The following ARID2 variants were observed in gnomAD, a reference collection of about 807,000 sequenced individuals.
ARID2 encodes AT-rich interactive domain-containing protein 2.
Under a neutral mutation model 184.6 loss-of-function variants are expected in ARID2, and 32 were observed. That is an observed-to-expected ratio of 0.17 (90% CI 0.13 to 0.23). The LOEUF (loss-of-function observed/expected upper bound fraction) is 0.23. ARID2 is among the 10% of genes least tolerant of loss of function. The pLI is 1.00. For missense variants in ARID2, 1,696 were observed against 2,197.6 expected (o/e 0.77, Z 4.56); for synonymous variants, 836 against 772.6 (o/e 1.08, Z -1.36).
At chr12:45,821,973 A>C (rs768213614) in intron 6 of ARID2, among the ~76,000 whole-genome samples, 38 of 152,206 alleles carry the variant, frequency 2.5e-4, no homozygotes, top group Non-Finnish European at 1.6e-4. Flanking sequence ...AAAAGACTTG[A>C]ACAAATTGTT....
rs2138166964 is a variant in ARID2, at chr12:45,851,004, C to G, written c.2881C>G (p.Gln961Glu). The change falls in exon 15 of 21, where the codon CAG becomes GAG. Residue 961 changes from glutamine (Q) to glutamate (E), a missense_variant. By Grantham distance (29) the Gln-to-Glu change is conservative. Around this residue, in one of 11 missense-constraint regions of ARID2, gnomAD observed 713 missense variants for 824.4 expected, o/e 0.86. Transcript: ENST00000334344. The part of the protein sequence containing the change: ...PAALPAGQTV[Q>E]LTGQPNITPS... ...AGCTCTTCCAGCTGGTCAGACAGTT[C>G]AGCTAACTGGACAACCTAACATAAC... The G allele has an allele frequency of 1.2e-6, 2 of 1,614,148 alleles. No homozygotes were observed. Among genetic ancestry groups the G allele is most frequent in the South Asian group, 1.1e-5 (1 of 91,080 alleles).
In ARID2 at chr12:45,808,755, GTGTGTA is replaced by G. The variant is rs1196606410; in HGVS notation, c.285-2657_285-2652del. Among the ~76,000 whole-genome samples the G allele has an allele frequency of 7.3e-5, 11 of 151,248 alleles. No homozygotes were observed. In the South Asian group the frequency reaches 1.7e-3, roughly 23 times the overall value. The stretch of plus-strand genomic sequence containing the variant: ...TGCGTGCGTGTGTGTGTGTGTGTGT[GTGTGTA>G]TGTGTGTGTGTGTGTGTTGAGACGA... On this transcript the variant is annotated intron_variant, in intron 3 of 20. Coordinates refer to ENST00000334344, the MANE Select transcript of ARID2 (RefSeq NM_152641.4).
intron 10 of ARID2, among the ~76,000 whole-genome samples, 161 bp from the exon 11 acceptor site, chr12:45,839,168 A>G (rs573317770): frequency 1.5e-4 from 23 of 151,980 alleles, no homozygotes; most frequent in African/African-American, 5.5e-4. Context: ...CCAGCCTAAA[A>G]ATCTTTTTTT....
intron 13 of ARID2, among the ~76,000 whole-genome samples, chr12:45,849,377 C>T (rs1943499065): frequency 6.6e-6 from 1 of 152,108 alleles, no homozygotes; most frequent in African/African-American, 2.4e-5. Context: ...AACCCAGCGA[C>T]ATTGTTAATA....
chr12:45,870,272 G>A (rs1224239772), intron 16 of ARID2, among the ~76,000 whole-genome samples: 2 of 152,176 alleles, frequency 1.3e-5, no homozygotes, highest in African/African-American at 4.8e-5. Context: ...ACAGGCGTGA[G>A]CCACTGTGTC....
chr12:45,888,508 G>C (rs1394972289), intron 16 of ARID2, among the ~76,000 whole-genome samples: 1 of 152,210 alleles, frequency 6.6e-6, no homozygotes, highest in East Asian at 1.9e-4. Flanking sequence ...TTTTGGAATA[G>C]TTGTGGAGAA....
chr12:45,767,996 A>G (rs984535444), intron 3 of ARID2, among the ~76,000 whole-genome samples: 6 of 152,240 alleles, frequency 3.9e-5, no homozygotes, highest in Non-Finnish European at 5.9e-5. Flanking sequence ...AAGAACATAT[A>G]GCAAATGAAA....
rs1201469368 is a variant in ARID2, at chr12:45,905,945, TTTTTTTC to T, written c.*874_*880del. 13 of 228,402 alleles carry T rather than the reference TTTTTTTC, an allele frequency of 5.7e-5. No individual in the cohort carries two copies. The highest frequency in any genetic ancestry group is 2.8e-4 in the African/African-American group (12 of 43,392). 14.1% of individuals were successfully genotyped at this position (228,402 alleles called of 1,614,324 possible). ...GTGATTTTTTTTTCTTTTTTCTTTT[TTTTTTTC>T]TTTTTTTTTTTGTATTATACACCTT... is the stretch of plus-strand genomic sequence containing the variant. On this transcript the variant is annotated 3_prime_UTR_variant, in exon 21 of 21. Coordinates refer to ENST00000334344, the MANE Select transcript of ARID2 (RefSeq NM_152641.4).
intron 8 of ARID2, 61 bp from the exon 9 acceptor site, chr12:45,837,260 A>T (rs2138129778): frequency 7.3e-7 from 1 of 1,361,130 alleles, no homozygotes; most frequent in African/African-American, 1.5e-5. Flanking sequence ...TTTTTATTAA[A>T]TTTGAAGTAT....
chr12:45,827,440 T>C (rs1943024102), intron 6 of ARID2, among the ~76,000 whole-genome samples: 2 of 152,148 alleles, frequency 1.3e-5, no homozygotes, highest in South Asian at 2.1e-4. Flanking sequence ...TTAAAAAATA[T>C]TTACTATTTT....
intron 3 of ARID2, among the ~76,000 whole-genome samples, chr12:45,754,409 G>A (rs530087782): frequency 6.6e-6 from 1 of 152,152 alleles, no homozygotes; most frequent in African/African-American, 2.4e-5. Context: ...CTTGGTTAAT[G>A]AACAGTCAGT....
chr12:45,740,885 G>T (rs61925773), intron 3 of ARID2, among the ~76,000 whole-genome samples: 3 of 152,108 alleles, frequency 2.0e-5, no homozygotes, highest in Non-Finnish European at 4.4e-5. Context: ...GGCATTTTTG[G>T]CAAGAGACAT....
chr12:45,780,758 A>G (rs1324784883), intron 3 of ARID2, among the ~76,000 whole-genome samples: 1 of 152,004 alleles, frequency 6.6e-6, no homozygotes, highest in Non-Finnish European at 1.5e-5. Flanking sequence ...CACTGGGATT[A>G]CAGGTGCCTG....
chr12:45,893,843 C>A (rs1944335244), intron 20 of ARID2, 122 bp downstream of exon 20: 1 of 862,622 alleles, frequency 1.2e-6, no homozygotes, highest in South Asian at 2.3e-5. Context: ...GCAAATACAT[C>A]CAAAAGTTTA....
intron 3 of ARID2, among the ~76,000 whole-genome samples, chr12:45,740,290 T>A (rs746190271): frequency 5.9e-5 from 9 of 152,290 alleles, no homozygotes; most frequent in Non-Finnish European, 1.0e-4. Context: ...ATGTTTTTCC[T>A]TTTCAAAATT....
At chr12:45,886,762 C>T (rs1359272171) in intron 16 of ARID2, among the ~76,000 whole-genome samples, 1 of 152,224 alleles carries the variant, frequency 6.6e-6, no homozygotes, top group East Asian at 1.9e-4. Flanking sequence ...GATTTGCACT[C>T]TCTGAAGCTA....
rs146969685 is a variant in ARID2 at position 45,894,397 on chromosome 12, G to GGCCC, written c.5363+677_5363+680dup. 1.3e-3 allele frequency among the ~76,000 whole-genome samples: 201 copies of GGCCC among 152,148 alleles called. 5 individuals carry two copies. The East Asian group carries it at 0.033, about 25-fold the overall frequency. ...TTCCTGATAGTCACTTTCTATCTCA[G>GGCCC]GCCCTCCCTTTCACATAATATTAGT... On this transcript the variant is annotated intron_variant, in intron 20 of 20. Coordinates refer to ENST00000334344, the MANE Select transcript of ARID2 (RefSeq NM_152641.4).
chr12:45,789,684 T>G (rs528431987), intron 3 of ARID2: 1 of 152,332 alleles, frequency 6.6e-6, no homozygotes, highest in East Asian at 1.9e-4. Context: ...TCTGTGTTAT[T>G]CCAGTAACTT....
At position 45,852,198 on chromosome 12, in the gene ARID2, A is replaced by C. The variant is rs2138176808; in HGVS notation, c.4075A>C (p.Asn1359His). Residue 1359 changes from asparagine (N) to histidine (H), a missense_variant, in exon 15 of 21, where the codon AAT becomes CAT. By Grantham distance (68) the Asn-to-His change is moderately conservative. Transcript: ENST00000334344. ...IKSDLRKPLV[N>H]GICDFDKGDG... ...AAGTGATTTGAGAAAACCGCTAGTT[A>C]ATGGAATCTGTGATTTTGATAAAGG... The C allele has an allele frequency of 6.2e-7, 1 of 1,614,178 alleles. No homozygotes were observed. The highest frequency in any genetic ancestry group is 8.5e-7 in the Non-Finnish European group (1 of 1,180,016).
Sources: allele counts gnomAD v4.1 joint callset (sites outside exome capture counted in the v4.1 genomes callset), GRCh38; gene constraint gnomAD v4.1.1; regional missense constraint gnomAD v4.1.1; transcripts MANE v1.5; gene names NCBI Gene and HGNC (gene_info 2026-07-23, HGNC 2026-07-21).